Variants in DRD2 observed in about 807,000 individuals in gnomAD.
DRD2 encodes the protein dopamine receptor D2, also known as D(2) dopamine receptor.
A neutral mutation model predicts 38.0 loss-of-function variants in DRD2; 8 were observed. The observed-to-expected ratio is 0.21, with a 90% confidence interval of 0.12 to 0.38. The LOEUF (loss-of-function observed/expected upper bound fraction) is 0.38, where lower values mean the gene tolerates loss of function less well. DRD2 is among the 10% of genes least tolerant of loss of function. The probability of loss-of-function intolerance (pLI) is 1.00; values close to 1 mark genes in which losing one functional copy is unlikely to be tolerated. For synonymous variants in DRD2, 230 were observed against 238.6 expected, an observed-to-expected ratio of 0.96 and a Z score of 0.33; for missense variants, 403 against 607.7, an observed-to-expected ratio of 0.66 and a Z score of 3.54.
rs115415692 is a variant in DRD2, at chr11:113,464,206, A to G, written c.-32+10870T>C. Reference sequence around the variant, plus strand: ...TGAGCCACGGAGGGAGCGGAAGAGAAAAGCAGGATGAGAAGACCTACACTG... The same window carrying G: ...TGAGCCACGGAGGGAGCGGAAGAGAGAAGCAGGATGAGAAGACCTACACTG... On this transcript the variant is annotated intron_variant, in intron 1 of 7. Coordinates refer to ENST00000362072, the MANE Select transcript of DRD2 (RefSeq NM_000795.4). Among the ~76,000 whole-genome samples, 1,307 of 151,830 alleles carry G rather than the reference A, an allele frequency of 8.6e-3. 21 individuals are homozygous for G. Among genetic ancestry groups the G allele is most frequent in the African/African-American group, 0.029 (1,203 of 41,340 alleles).
chr11:113,418,222 G>T, intron 2 of DRD2, 86 bp from the exon 3 acceptor site: 1 of 1,116,758 alleles, frequency 9.0e-7, no homozygotes, highest in Non-Finnish European at 1.3e-6. Flanking sequence ...GAGCCGATGA[G>T]GCCACAGACT....
At chr11:113,462,169 C>A (rs1951327465) in intron 1 of DRD2, among the ~76,000 whole-genome samples, 1 of 152,164 alleles carries the variant, frequency 6.6e-6, no homozygotes, top group African/African-American at 2.4e-5. Context: ...TATTCCCAAA[C>A]AGGTGACTAG....
rs1353519292 is a variant in DRD2 at position 113,413,891 on chromosome 11, A to G, written c.810+484T>C. On this transcript the variant is annotated intron_variant, in intron 6 of 7. Transcript: ENST00000362072. ...GTCCTACCCCAGAACCTGCCCATCCATAAGGCAGCTCATGTCAGTGGAAAG... is the reference window on the plus strand; with the variant it reads ...GTCCTACCCCAGAACCTGCCCATCCGTAAGGCAGCTCATGTCAGTGGAAAG... 3 of 251,004 alleles carry G rather than the reference A, an allele frequency of 1.2e-5. No individual in the cohort carries two copies. The East Asian group carries it at 2.9e-4, about 24-fold the overall frequency. 15.5% of individuals were successfully genotyped at this position (251,004 alleles called of 1,614,324 possible).
intron 1 of DRD2, among the ~76,000 whole-genome samples, chr11:113,434,264 C>G (rs1951016224): frequency 6.6e-6 from 1 of 152,254 alleles, no homozygotes; most frequent in African/African-American, 2.4e-5. Context: ...TGTCTTGTCT[C>G]TCCTGGTCTT....
At chr11:113,452,463 TGTGTGTGCGCGC>T (rs1382193260) in intron 1 of DRD2, among the ~76,000 whole-genome samples, 3 of 89,668 alleles carry the variant, frequency 3.3e-5, no homozygotes, top group African/African-American at 7.4e-5. Context: ...TGTGTGTGTG[TGTGTGTGCGCGC>T]GCGCGCGCGC....
chr11:113,414,137 T>C, intron 6 of DRD2: 1 of 578,012 alleles, frequency 1.7e-6, no homozygotes. Flanking sequence ...ATTATCATTT[T>C]TATTACGTTG....
intron 1 of DRD2, among the ~76,000 whole-genome samples, chr11:113,452,123 T>C (rs1241922398): frequency 6.6e-6 from 1 of 151,936 alleles, no homozygotes; most frequent in African/African-American, 2.4e-5. Flanking sequence ...GTTCGGCCGT[T>C]GTGGTTGTAG....
In DRD2 at chr11:113,412,666, A is replaced by G; in HGVS notation, c.1028T>C (p.Ile343Thr). ...DHPKIAKIFEIQTMPNGKTRT... is the reference protein window; with the variant it reads ...DHPKIAKIFETQTMPNGKTRT... ...GGTTTTGCCATTGGGCATGGTCTGGATCTCAAAGATCTTGGCAATCTTGGG... is the reference window on the plus strand; with the variant it reads ...GGTTTTGCCATTGGGCATGGTCTGGGTCTCAAAGATCTTGGCAATCTTGGG... The change falls in exon 7 of 8, where the codon ATC (isoleucine) becomes ACC (threonine). Residue 343 changes from isoleucine (I) to threonine (T), a missense_variant. By Grantham distance (89) the Ile-to-Thr change is moderately conservative (BLOSUM62 -1). This residue lies in a region of DRD2 where 67 missense variants were observed against 136.1 expected (regional missense o/e 0.49). Coordinates refer to ENST00000362072, the MANE Select transcript of DRD2 (RefSeq NM_000795.4). 1 of 1,614,036 alleles carries G rather than the reference A, an allele frequency of 6.2e-7. No homozygotes were observed. The highest frequency in any genetic ancestry group is 8.5e-7 in the Non-Finnish European group (1 of 1,180,034).
At position 113,443,855 on chromosome 11, in the gene DRD2, A is replaced by AGATAACTGAAAATTCTTAAAATCT. The variant is rs1393112850; in HGVS notation, c.-31-19197_-31-19174dup. On this transcript the variant is annotated intron_variant, in intron 1 of 7. Transcript: ENST00000362072. ...TAACTAGTTATCTAATATGCAAATGAGATAACTGAAAATTCTTAAAATCTA... is the reference window on the plus strand; with the variant it reads ...TAACTAGTTATCTAATATGCAAATGAGATAACTGAAAATTCTTAAAATCTGATAACTGAAAATTCTTAAAATCTA... Among the ~76,000 whole-genome samples, 4 of 152,358 alleles carry AGATAACTGAAAATTCTTAAAATCT rather than the reference A, an allele frequency of 2.6e-5. No homozygotes were observed. The East Asian group carries it at 7.7e-4, about 29-fold the overall frequency.
chr11:113,457,235 C>T (rs1275255303), intron 1 of DRD2, among the ~76,000 whole-genome samples: 1 of 152,190 alleles, frequency 6.6e-6, no homozygotes, highest in Non-Finnish European at 1.5e-5. Flanking sequence ...GATGGTCTCT[C>T]TCCCTCCAGT....
intron 5 of DRD2, 133 bp downstream of exon 5, chr11:113,415,288 G>T (rs1950814348): frequency 2.5e-6 from 3 of 1,200,010 alleles, no homozygotes; most frequent in South Asian, 4.1e-5. Context: ...CCCTTGCCCG[G>T]CTCCTGGGAA....
At chr11:113,423,696 T>C (rs2138178392) in intron 2 of DRD2, among the ~76,000 whole-genome samples, 1 of 152,252 alleles carries the variant, frequency 6.6e-6, no homozygotes, top group East Asian at 1.9e-4. Flanking sequence ...TACTCCCCAT[T>C]TTGAGGTGCA....
At chr11:113,465,117 T>G (rs1951355621) in intron 1 of DRD2, among the ~76,000 whole-genome samples, 1 of 152,004 alleles carries the variant, frequency 6.6e-6, no homozygotes, top group Admixed American at 6.5e-5. Context: ...TGTGATTTTT[T>G]TTTTTTTTGA....
intron 2 of DRD2, among the ~76,000 whole-genome samples, chr11:113,418,596 C>G (rs1377574954): frequency 1.3e-5 from 2 of 152,304 alleles, no homozygotes; most frequent in East Asian, 3.9e-4. Flanking sequence ...CTAGTTAATT[C>G]CTGAAGACAG....
chr11:113,420,055 CAG>C (rs150550385), intron 2 of DRD2, among the ~76,000 whole-genome samples: 3,902 of 152,278 alleles, frequency 0.026, 79 homozygotes, highest in Middle Eastern at 0.068. Flanking sequence ...CTGGCATAAA[CAG>C]AGTGTGCCTT....
At chr11:113,428,117 C>T (rs1950956246) in intron 1 of DRD2, among the ~76,000 whole-genome samples, 1 of 152,124 alleles carries the variant, frequency 6.6e-6, no homozygotes, top group Admixed American at 6.5e-5. Context: ...TTCAATCCAC[C>T]CAATCTGTGG....
chr11:113,471,095 G>A (rs1951419713), intron 1 of DRD2, among the ~76,000 whole-genome samples: 1 of 152,150 alleles, frequency 6.6e-6, no homozygotes, highest in Non-Finnish European at 1.5e-5. Context: ...AAAACCAAGT[G>A]GCTGAGTCTT....
chr11:113,436,093 G>A (rs1951033067), intron 1 of DRD2, among the ~76,000 whole-genome samples: 1 of 152,148 alleles, frequency 6.6e-6, no homozygotes, highest in South Asian at 2.1e-4. Flanking sequence ...TGACACCGGG[G>A]ACCTTTCTTT....
chr11:113,429,567 C>G (rs1950968569), intron 1 of DRD2, among the ~76,000 whole-genome samples: 1 of 152,162 alleles, frequency 6.6e-6, no homozygotes, highest in Non-Finnish European at 1.5e-5. Context: ...TCTTTTAACA[C>G]CTGGTGTCAG....
Sources: gnomAD v4.1 joint callset for allele counts (sites outside exome capture counted in the v4.1 genomes callset) on GRCh38, gnomAD v4.1.1 for gene constraint, gnomAD v4.1.1 regional missense constraint, MANE v1.5 for transcripts, NCBI Gene and HGNC (gene_info 2026-07-23, HGNC 2026-07-21) for gene names.